Variants in KCNIP4 observed in about 807,000 individuals in gnomAD.
The protein encoded by KCNIP4 is Kv channel-interacting protein 4.
A neutral mutation model predicts 34.0 loss-of-function variants in KCNIP4; 12 were observed. The observed-to-expected ratio is 0.35, with a 90% CI of 0.23 to 0.57. KCNIP4 has a LOEUF of 0.57. Among genes scored for constraint, KCNIP4 ranks in the 20% least tolerant of loss-of-function variants. The pLI, the probability that KCNIP4 is intolerant of heterozygous loss-of-function variation, is 0.83. For synonymous variants in KCNIP4, 124 were observed against 102.2 expected, an observed-to-expected ratio of 1.21 and a Z score of -1.29; for missense variants, 238 against 311.7, an observed-to-expected ratio of 0.76 and a Z score of 1.78.
chr4:20,796,135 G>A (rs538366398), intron 3 of KCNIP4, among the ~76,000 whole-genome samples: 1 of 152,186 alleles, frequency 6.6e-6, no homozygotes, highest in Non-Finnish European at 1.5e-5. Flanking sequence ...TTTCTTCTTT[G>A]ATCTTAAAGA....
At chr4:20,862,840 C>T (rs1325253888) in intron 2 of KCNIP4, among the ~76,000 whole-genome samples, 3 of 152,114 alleles carry the variant, frequency 2.0e-5, no homozygotes, top group South Asian at 2.1e-4. Context: ...GAGCTGGAGG[C>T]CATTATCCTT....
At chr4:21,153,513 GTGTATATA>G (rs932496617) in intron 1 of KCNIP4, among the ~76,000 whole-genome samples, 2 of 61,490 alleles carry the variant, frequency 3.3e-5, no homozygotes, top group African/African-American at 1.3e-4. Flanking sequence ...ATATGTGTGT[GTGTATATA>G]TATATATATA....
Position 21,671,861 on chromosome 4 carries a change from C to T in KCNIP4, c.61+276710G>A, listed in dbSNP as rs115245634. Among the ~76,000 whole-genome samples the T allele has an allele frequency of 2.7e-3, 417 of 152,208 alleles. 1 individual carries two copies. Among genetic ancestry groups the T allele is most frequent in the African/African-American group, 8.1e-3 (336 of 41,518 alleles). ...TAGATACCCAAAAAATTGAATTCCT[C>T]CCCAGCAATGCCCCTTCACTTAAAG... On this transcript the variant is annotated intron_variant, in intron 1 of 8. Coordinates refer to ENST00000382152, the MANE Select transcript of KCNIP4 (RefSeq NM_025221.6).
chr4:21,021,673 C>T (rs1255117988), intron 1 of KCNIP4, among the ~76,000 whole-genome samples: 1 of 152,124 alleles, frequency 6.6e-6, no homozygotes, highest in Non-Finnish European at 1.5e-5. Flanking sequence ...TCCACCTCCA[C>T]ATCTTGTCCT....
intron 1 of KCNIP4, among the ~76,000 whole-genome samples, chr4:21,591,373 A>G (rs538062371): frequency 3.9e-5 from 6 of 152,202 alleles, no homozygotes; most frequent in African/African-American, 1.2e-4. Context: ...AAAACAAAAC[A>G]AAACAAAAGC....
rs534087871 is a variant in KCNIP4 at position 21,119,568 on chromosome 4, TAGAG to T, written c.62-236863_62-236860del. On this transcript the variant is annotated intron_variant, in intron 1 of 8. Transcript: ENST00000382152. ...TAAAAATAACTAGCGTAACCAAACATAGAGAGAAACATTTTCTTGTTAAGGCTGA... is the reference window on the plus strand; with the variant it reads ...TAAAAATAACTAGCGTAACCAAACATAGAAACATTTTCTTGTTAAGGCTGA... 9.0e-4 allele frequency among the ~76,000 whole-genome samples: 137 copies of T among 151,644 alleles called. 1 individual carries two copies. Among genetic ancestry groups the T allele is most frequent in the African/African-American group, 3.0e-3 (126 of 41,400 alleles).
rs575598514 is a variant in KCNIP4 at position 20,963,342 on chromosome 4, A to T, written c.62-80633T>A. ...ACTCCGTCTCAAAAAACAAAAAAAA[A>T]AACAACAAAAAAAGAAAGTATAAAT... On this transcript the variant is annotated intron_variant, in intron 1 of 8. Coordinates refer to ENST00000382152, the MANE Select transcript of KCNIP4 (RefSeq NM_025221.6). Among the ~76,000 whole-genome samples the T allele has an allele frequency of 2.7e-3, 416 of 152,072 alleles. 1 individual carries two copies. The highest frequency in any genetic ancestry group is 9.2e-3 in the African/African-American group (383 of 41,476).
chr4:21,108,409 A>C (rs1452972002), intron 1 of KCNIP4, among the ~76,000 whole-genome samples: 1 of 151,546 alleles, frequency 6.6e-6, no homozygotes, highest in Non-Finnish European at 1.5e-5. Flanking sequence ...AGGCTTCTGC[A>C]TTCTTCACGT....
intron 1 of KCNIP4, among the ~76,000 whole-genome samples, chr4:21,736,577 T>C (rs1468485592): frequency 6.6e-6 from 1 of 152,184 alleles, no homozygotes; most frequent in Non-Finnish European, 1.5e-5. Context: ...TATGCTATCA[T>C]CCCATTCCTC....
At chr4:21,006,253 G>A (rs1000686006) in intron 1 of KCNIP4, among the ~76,000 whole-genome samples, 2 of 152,180 alleles carry the variant, frequency 1.3e-5, no homozygotes, top group Non-Finnish European at 2.9e-5. Flanking sequence ...TAAACAAGTA[G>A]ATAAGAGAAA....
chr4:21,000,180 T>C (rs1737982683), intron 1 of KCNIP4, among the ~76,000 whole-genome samples: 1 of 152,098 alleles, frequency 6.6e-6, no homozygotes, highest in Admixed American at 6.6e-5. Flanking sequence ...TGCAAATGAT[T>C]AGCAAAAAAT....
intron 7 of KCNIP4, 76 bp from the exon 8 acceptor site, chr4:20,732,144 G>T: frequency 9.9e-7 from 1 of 1,006,784 alleles, no homozygotes; most frequent in Non-Finnish European, 1.5e-6. Context: ...ATGAGCTGAA[G>T]CTGATAAAAA....
intron 3 of KCNIP4, among the ~76,000 whole-genome samples, chr4:20,789,813 G>A (rs1483841498): frequency 6.6e-6 from 1 of 151,276 alleles, no homozygotes; most frequent in Non-Finnish European, 1.5e-5. Context: ...GCCATCAAAA[G>A]CAGAACTGTA....
At chr4:21,103,237 T>C (rs67440039) in intron 1 of KCNIP4, among the ~76,000 whole-genome samples, 43,374 of 149,288 alleles carry the variant, frequency 0.29, 6,983 homozygotes, top group African/African-American at 0.44. Context: ...TCTTGATCCA[T>C]CAAAGTTAAG....
At chr4:21,382,674 G>A (rs1721624863) in intron 1 of KCNIP4, among the ~76,000 whole-genome samples, 1 of 152,104 alleles carries the variant, frequency 6.6e-6, no homozygotes, top group African/African-American at 2.4e-5. Context: ...GGTTAATAAA[G>A]ATGCCTATTG....
chr4:21,228,298 G>T (rs1320896860), intron 1 of KCNIP4, among the ~76,000 whole-genome samples: 1 of 152,088 alleles, frequency 6.6e-6, no homozygotes, highest in East Asian at 1.9e-4. Context: ...TTCCCCTGTT[G>T]CTATCTCTCT....
intron 3 of KCNIP4, among the ~76,000 whole-genome samples, chr4:20,822,542 C>T (rs943424205): frequency 1.3e-5 from 2 of 152,252 alleles, no homozygotes; most frequent in African/African-American, 4.8e-5. Flanking sequence ...TAAGGTAGAA[C>T]TACCATTCAA....
intron 1 of KCNIP4, among the ~76,000 whole-genome samples, chr4:21,004,839 G>A (rs1367330817): frequency 2.0e-5 from 3 of 152,048 alleles, no homozygotes; most frequent in Non-Finnish European, 4.4e-5. Context: ...AAACAGGTGT[G>A]TTTCTGTTTT....
intron 1 of KCNIP4, among the ~76,000 whole-genome samples, chr4:21,918,712 TA>T (rs888304895): frequency 1.3e-5 from 2 of 152,008 alleles, no homozygotes; most frequent in Admixed American, 6.6e-5. Flanking sequence ...GCCATTCAGC[TA>T]AAAAAAATAA....
Sources: gnomAD v4.1 joint callset for allele counts (sites outside exome capture counted in the v4.1 genomes callset) on GRCh38, gnomAD v4.1.1 for gene constraint, MANE v1.5 for transcripts, NCBI Gene and HGNC (gene_info 2026-07-23, HGNC 2026-07-21) for gene names.